Variants in ST6GALNAC6 observed in about 807,000 individuals in gnomAD.
ST6GALNAC6 encodes alpha-N-acetylgalactosaminide alpha-2,6-sialyltransferase 6.
ST6GALNAC6 carries 19 observed loss-of-function variants against 34.3 expected under a neutral mutation model. The ratio of observed to expected loss-of-function variants is 0.55; its 90% CI spans 0.39 to 0.81. The LOEUF is 0.81. Ranked by LOEUF, ST6GALNAC6 falls within the 40% of genes least tolerant of loss-of-function variation. The pLI is 0.00. For synonymous variants in ST6GALNAC6, 185 were observed against 182.1 expected, an observed-to-expected ratio of 1.02 and a Z score of -0.13; for missense variants, 377 against 467.7, an observed-to-expected ratio of 0.81 and a Z score of 1.79.
In ST6GALNAC6 at chr9:127,890,534, T is replaced by G. The variant is rs1319008957; in HGVS notation, c.704+103A>C. ...CAACCAGAGGACGGCGGGACTTGAC[T>G]ACCCCTCAGAGCAGTGCATGCTGGG... On this transcript the variant is annotated intron_variant, in intron 5 of 6. Transcript: ENST00000373146. The surrounding 1 kb of genome is among the most constrained non-coding windows in gnomAD (Gnocchi z 4.3). 9.2e-6 allele frequency: 14 copies of G among 1,526,180 alleles called. No homozygotes were observed. The highest frequency in any genetic ancestry group is 1.2e-5 in the Non-Finnish European group (14 of 1,124,302). 94.5% of individuals were successfully genotyped at this position (1,526,180 alleles called of 1,614,324 possible). A position where few individuals can be genotyped will look rare whatever the true frequency, so the allele number is the denominator to read the frequency against.
chr9:127,890,486 G>A lies in ST6GALNAC6; in HGVS notation c.704+151C>T, dbSNP rs1830066641. On this transcript the variant is annotated intron_variant, in intron 5 of 6. Coordinates refer to ENST00000373146, the MANE Select transcript of ST6GALNAC6 (RefSeq NM_013443.5). This position sits in a 1 kb window ranked among gnomAD's most constrained non-coding sequence, Gnocchi z 4.3. ...AGGACCCATGTGAACAGCTGGACAT[G>A]AAGAGAACTCTCCTAGGAGGCCCAA... is the stretch of plus-strand genomic sequence containing the variant. 3.6e-6 allele frequency: 4 copies of A among 1,108,678 alleles called. No individual in the cohort carries two copies. The highest frequency in any genetic ancestry group is 5.1e-6 in the Non-Finnish European group (4 of 784,634). 68.7% of individuals were successfully genotyped at this position (1,108,678 alleles called of 1,614,324 possible).
At chr9:127,887,757 A>T (rs1406148191) in intron 5 of ST6GALNAC6, among the ~76,000 whole-genome samples, 166 bp from the exon 6 acceptor site, 1 of 152,172 alleles carries the variant, frequency 6.6e-6, no homozygotes, top group East Asian at 1.9e-4. Flanking sequence ...GGAGCATGGC[A>T]TGTGGCAGAG....
chr9:127,887,394 C>G, intron 6 of ST6GALNAC6, 90 bp downstream of exon 6: 1 of 1,093,962 alleles, frequency 9.1e-7, no homozygotes, highest in South Asian at 1.4e-5. Flanking sequence ...CTCAAAGGCA[C>G]CTTCAGCCAA....
chr9:127,898,344 G>A (rs1465666804), intron 1 of ST6GALNAC6, among the ~76,000 whole-genome samples: 1 of 152,180 alleles, frequency 6.6e-6, no homozygotes, highest in Non-Finnish European at 1.5e-5. Context: ...AGTGAACCGA[G>A]ATGGTGCCAC....
intron 5 of ST6GALNAC6, among the ~76,000 whole-genome samples, chr9:127,889,983 G>C (rs1381856806): frequency 6.6e-6 from 1 of 152,150 alleles, no homozygotes; most frequent in Non-Finnish European, 1.5e-5. Context: ...CCAGGCTGGA[G>C]TGCAGTGGCA....
intron 3 of ST6GALNAC6, 147 bp downstream of exon 3, chr9:127,896,095 C>T (rs376060364): frequency 3.2e-6 from 3 of 930,526 alleles, no homozygotes; most frequent in Non-Finnish European, 1.7e-6. Flanking sequence ...CAAACCAGGG[C>T]TTAAATCTGG....
intron 2 of ST6GALNAC6, 135 bp from the exon 3 acceptor site, chr9:127,896,467 A>T: frequency 1.4e-6 from 1 of 730,690 alleles, no homozygotes; most frequent in East Asian, 3.0e-5. Flanking sequence ...TCCCTTTTGC[A>T]GACGGAGACA....
intron 4 of ST6GALNAC6, 23 bp downstream of exon 4, chr9:127,894,489 G>T (rs1452907740): frequency 1.2e-6 from 2 of 1,611,800 alleles, no homozygotes; most frequent in Non-Finnish European, 1.7e-6. Context: ...GTAGGGAGGA[G>T]CTCCCCAAAG....
rs1830081889 is a variant in ST6GALNAC6, at chr9:127,890,728, G to A, written c.613C>T (p.Leu205=). 1 of 1,613,676 alleles carries A rather than the reference G, an allele frequency of 6.2e-7. No homozygotes were observed. Among genetic ancestry groups the A allele is most frequent in the African/African-American group, 1.3e-5 (1 of 74,946 alleles). The change falls in exon 5 of 7, where the codon CTG becomes TTG. Residue 205 remains leucine (L), a synonymous_variant. Coordinates refer to ENST00000373146, the MANE Select transcript of ST6GALNAC6 (RefSeq NM_013443.5). This position sits in a 1 kb window ranked among gnomAD's most constrained non-coding sequence, Gnocchi z 4.3. ...TATGCTTCCATGTTGGGGAACACCA[G>A]GCCCGCTCGCTGGATCACACGCACG... ...SLVRVIQRAG[L]VFPNMEAYAV...
intron 6 of ST6GALNAC6, 57 bp from the exon 7 acceptor site, chr9:127,886,845 C>T: frequency 6.7e-7 from 1 of 1,499,432 alleles, no homozygotes; most frequent in Non-Finnish European, 8.9e-7. Context: ...AGGGTCCTTG[C>T]CCTTTCAGCC....
chr9:127,886,741 T>C lies in ST6GALNAC6; in HGVS notation c.860A>G (p.Lys287Arg), dbSNP rs779839412. ...QRMPYHYYEP[K>R]GPDECVTYIQ... ...GTAGGTGACACATTCGTCCGGCCCC[T>C]TGGGCTCGTAGTAGTGGTAGGGCAT... Residue 287 changes from lysine to arginine, a missense_variant, in exon 7 of 7, where the codon AAG (lysine) becomes AGG (arginine). Lys to Arg is a conservative substitution (Grantham distance 26). Transcript: ENST00000373146. 1 of 1,613,246 alleles carries C rather than the reference T, an allele frequency of 6.2e-7. No individual in the cohort carries two copies. Among genetic ancestry groups the C allele is most frequent in the South Asian group, 1.1e-5 (1 of 91,052 alleles).
chr9:127,886,788 G>T lies in ST6GALNAC6; in HGVS notation c.813C>A (p.Ser271Arg). 6.2e-7 allele frequency: 1 copy of T among 1,603,218 alleles called. No homozygotes were observed. The highest frequency in any genetic ancestry group is 8.5e-7 in the Non-Finnish European group (1 of 1,174,272). The change falls in exon 7 of 7, where the codon AGC (serine) becomes AGA (arginine). Residue 271 changes from serine to arginine, a missense_variant and splice_region_variant. Transcript: ENST00000373146. ...VYGMVPPNYC[S>R]QRPRLQRMPY... ...GCATGCGCTGGAGGCGGGGCCGCTG[G>T]CTGGGACAGAGCAGACGGGCGTCAT...
At chr9:127,895,445 G>C (rs1335433772) in intron 3 of ST6GALNAC6, among the ~76,000 whole-genome samples, 2 of 152,172 alleles carry the variant, frequency 1.3e-5, no homozygotes, top group Non-Finnish European at 2.9e-5. Context: ...ACCACCTGCA[G>C]CACCTGGAGG....
At chr9:127,897,849 C>CCT in intron 2 of ST6GALNAC6, 107 bp downstream of exon 2, 1 of 1,590,056 alleles carries the variant, frequency 6.3e-7, no homozygotes, top group South Asian at 1.1e-5. Flanking sequence ...GTGCCCTCAG[C>CCT]CAGGACCACC....
At chr9:127,905,175 G>A in intron 1 of ST6GALNAC6, 1 of 974,474 alleles carries the variant, frequency 1.0e-6, no homozygotes, top group African/African-American at 1.8e-5. Context: ...GTGATCCCTG[G>A]GGCTGTGGGG....
upstream of ST6GALNAC6, among the ~76,000 whole-genome samples, chr9:127,902,590 A>ATTAT (rs1260114313): frequency 4.0e-5 from 6 of 149,010 alleles, no homozygotes; most frequent in Middle Eastern, 3.5e-3. Context: ...TATTATTATT[A>ATTAT]TTATTATTAT....
chr9:127,899,658 C>T, upstream of ST6GALNAC6: 1 of 983,818 alleles, frequency 1.0e-6, no homozygotes, highest in Non-Finnish European at 1.2e-6. Context: ...CGGCCCAGGC[C>T]TGGGAGGTGG....
Position 127,890,858 on chromosome 9 carries a change from C to T in ST6GALNAC6, c.483G>A (p.Val161=). Residue 161 remains valine, a synonymous_variant, in exon 5 of 7, where the codon GTG becomes GTA. Coordinates refer to ENST00000373146, the MANE Select transcript of ST6GALNAC6 (RefSeq NM_013443.5). The surrounding 1 kb of genome is among the most constrained non-coding windows in gnomAD (Gnocchi z 4.3). ...TTYRVVAHSS[V]FRVLRRPQEF... Reference sequence around the variant, plus strand: ...CCTGGGGCCTCCTCAGCACGCGGAACACACTGGAATGGGCCACGACGCGGT... The same window carrying T: ...CCTGGGGCCTCCTCAGCACGCGGAATACACTGGAATGGGCCACGACGCGGT... 1 of 1,614,170 alleles carries T rather than the reference C, an allele frequency of 6.2e-7. No homozygotes were observed. The highest frequency in any genetic ancestry group is 8.5e-7 in the Non-Finnish European group (1 of 1,180,028).
intron 4 of ST6GALNAC6, among the ~76,000 whole-genome samples, chr9:127,893,740 G>A (rs1830283087): frequency 6.6e-6 from 1 of 152,198 alleles, no homozygotes; most frequent in Admixed American, 6.5e-5. Context: ...GACTCACTTA[G>A]GTGTTAACCT....
Sources: gnomAD v4.1 joint callset for allele counts (sites outside exome capture counted in the v4.1 genomes callset) on GRCh38, gnomAD v4.1.1 for gene constraint, Gnocchi (gnomAD v3.1) non-coding constraint, MANE v1.5 for transcripts, NCBI Gene and HGNC (gene_info 2026-07-23, HGNC 2026-07-21) for gene names.